Variants in MORC1 observed in about 807,000 individuals in gnomAD.
The protein encoded by MORC1 is MORC family CW-type zinc finger 1.
In MORC1, 59 loss-of-function variants were observed where a neutral mutation model predicts 134.9. That is an observed-to-expected ratio of 0.44 (90% confidence interval 0.35 to 0.54). The LOEUF (loss-of-function observed/expected upper bound fraction) is 0.54, where lower values mean the gene tolerates loss of function less well. MORC1 is among the 20% of genes least tolerant of loss of function. MORC1 has a pLI of 0.00. For missense variants in MORC1, 947 were observed against 1,134.5 expected, an observed-to-expected ratio of 0.83 and a Z score of 2.37; for synonymous variants, 395 against 391.7, an observed-to-expected ratio of 1.01 and a Z score of -0.10.
chr3:109,084,282 T>C (rs569593565), intron 8 of MORC1, among the ~76,000 whole-genome samples: 1 of 152,236 alleles, frequency 6.6e-6, no homozygotes, highest in East Asian at 1.9e-4. Flanking sequence ...AGCAAACTGT[T>C]AGAACTGATA....
chr3:109,039,737 G>A (rs754553914), intron 14 of MORC1, among the ~76,000 whole-genome samples: 18 of 152,300 alleles, frequency 1.2e-4, no homozygotes, highest in South Asian at 8.3e-4. Flanking sequence ...AAATAATGGG[G>A]ACTCCTGCTC....
intron 26 of MORC1, among the ~76,000 whole-genome samples, chr3:108,967,063 A>T (rs1196112976): frequency 2.0e-5 from 3 of 152,122 alleles, no homozygotes; most frequent in Non-Finnish European, 4.4e-5. Flanking sequence ...CCTTAAATCA[A>T]GTTGTTCTGT....
intron 8 of MORC1, among the ~76,000 whole-genome samples, chr3:109,075,964 A>G (rs755862877): frequency 2.0e-5 from 3 of 152,168 alleles, no homozygotes; most frequent in Non-Finnish European, 4.4e-5. Flanking sequence ...AATGGCGACA[A>G]AAGCCAAAAT....
Position 109,020,764 on chromosome 3 carries a change from C to CA in MORC1, c.1704+6986dup, listed in dbSNP as rs66700715. 1.9e-3 allele frequency among the ~76,000 whole-genome samples: 152 copies of CA among 78,372 alleles called. 2 individuals carry two copies. Among genetic ancestry groups the CA allele is most frequent in the East Asian group, 0.013 (57 of 4,272 alleles). The allele number at this position is 78,372 out of a possible 152,430, so 51.4% of individuals were successfully genotyped here. On this transcript the variant is annotated intron_variant, in intron 17 of 27. Coordinates refer to ENST00000232603, the MANE Select transcript of MORC1 (RefSeq NM_014429.4). The stretch of plus-strand genomic sequence containing the variant: ...TGGGCGACACAGTGAGACTCTGTCT[C>CA]AAAAAAAAAAAAGATTAGGTATGAA...
chr3:108,970,218 G>A (rs1448497610), intron 25 of MORC1, among the ~76,000 whole-genome samples: 1 of 151,994 alleles, frequency 6.6e-6, no homozygotes, highest in Non-Finnish European at 1.5e-5. Flanking sequence ...TGCCAACATT[G>A]AGAAACCGTG....
chr3:109,019,597 C>T (rs753291330), intron 17 of MORC1, among the ~76,000 whole-genome samples: 1 of 152,186 alleles, frequency 6.6e-6, no homozygotes, highest in Non-Finnish European at 1.5e-5. Flanking sequence ...AACCAGTCTG[C>T]GTTGGCTGAA....
intron 26 of MORC1, among the ~76,000 whole-genome samples, chr3:108,964,128 G>A (rs910933714): frequency 2.0e-5 from 3 of 152,114 alleles, no homozygotes; most frequent in South Asian, 2.1e-4. Flanking sequence ...CACTCTCTTC[G>A]GGTTCCTTAT....
chr3:109,001,442 C>T (rs909586342), intron 20 of MORC1, among the ~76,000 whole-genome samples: 6 of 152,212 alleles, frequency 3.9e-5, no homozygotes, highest in African/African-American at 1.4e-4. Context: ...CTTTCTACTC[C>T]AACAACAAAA....
intron 14 of MORC1, among the ~76,000 whole-genome samples, chr3:109,046,219 C>A (rs1949691703): frequency 6.6e-6 from 1 of 152,144 alleles, no homozygotes; most frequent in Non-Finnish European, 1.5e-5. Context: ...TTTTGGCTCC[C>A]AGTTGGGAAC....
chr3:108,984,592 T>A, intron 23 of MORC1, 124 bp downstream of exon 23: 2 of 653,912 alleles, frequency 3.1e-6, no homozygotes, highest in Non-Finnish European at 5.0e-6. Flanking sequence ...TTGTAAAATT[T>A]GGTTCCATTC....
intron 14 of MORC1, among the ~76,000 whole-genome samples, chr3:109,040,586 G>A: frequency 6.6e-6 from 1 of 151,578 alleles, no homozygotes; most frequent in Middle Eastern, 3.2e-3. Flanking sequence ...TCCCAGCACT[G>A]TGGGAAGCTG....
At chr3:108,985,618 T>G (rs192607004) in intron 22 of MORC1, among the ~76,000 whole-genome samples, 1 of 152,316 alleles carries the variant, frequency 6.6e-6, no homozygotes, top group Admixed American at 6.5e-5. Context: ...TTGGTTTTAC[T>G]CACTGACTTG....
intron 17 of MORC1, among the ~76,000 whole-genome samples, chr3:109,020,738 C>G (rs1236661188): frequency 5.8e-5 from 8 of 136,778 alleles, no homozygotes; most frequent in East Asian, 2.0e-4. Flanking sequence ...GCACTCCAGC[C>G]TGGGCGACAC....
At position 108,959,070 on chromosome 3, in the gene MORC1, C is replaced by G; in HGVS notation, c.2850G>C (p.Leu950Phe). ...LEQTDTYLEA[L>F]LKEDNLLFQN... ...GGAAGAGAAGATTATCTTCTTTAAGCAAAGCTTCTAAATAAGTGTCAGTCT... is the reference window on the plus strand; with the variant it reads ...GGAAGAGAAGATTATCTTCTTTAAGGAAAGCTTCTAAATAAGTGTCAGTCT... The change falls in exon 28 of 28, where the codon TTG becomes TTC. Residue 950 changes from leucine (L) to phenylalanine (F), a missense_variant. Coordinates refer to ENST00000232603, the MANE Select transcript of MORC1 (RefSeq NM_014429.4). 1 of 1,585,018 alleles carries G rather than the reference C, an allele frequency of 6.3e-7. No homozygotes were observed. Among genetic ancestry groups the G allele is most frequent in the Non-Finnish European group, 8.6e-7 (1 of 1,167,144 alleles).
rs189558047 is a variant in MORC1, at chr3:109,026,329, G to A, written c.1704+1422C>T. 3.1e-3 allele frequency among the ~76,000 whole-genome samples: 475 copies of A among 152,014 alleles called. 10 individuals carry two copies. Among genetic ancestry groups the A allele is most frequent in the Non-Finnish European group, 2.5e-3 (170 of 67,978 alleles). ...CTTTGTTTACATTTGAAACAAACTG[G>A]ATCTATAACCTTGGCTTAAATCTTA... is the stretch of plus-strand genomic sequence containing the variant. On this transcript the variant is annotated intron_variant, in intron 17 of 27. Coordinates refer to ENST00000232603, the MANE Select transcript of MORC1 (RefSeq NM_014429.4).
intron 22 of MORC1, 128 bp downstream of exon 22, chr3:108,986,752 A>G: frequency 1.5e-6 from 1 of 662,614 alleles, no homozygotes; most frequent in Non-Finnish European, 2.5e-6. Flanking sequence ...TAGAACAACA[A>G]ACTTAATTTT....
At chr3:109,109,971 T>G (rs924217346) in intron 3 of MORC1, 1 of 152,258 alleles carries the variant, frequency 6.6e-6, no homozygotes, top group Non-Finnish European at 1.5e-5. Flanking sequence ...TTCTCAAGTT[T>G]TTCAGGACCT....
chr3:109,104,363 C>G (rs924645852), intron 3 of MORC1, among the ~76,000 whole-genome samples: 3 of 152,130 alleles, frequency 2.0e-5, no homozygotes, highest in African/African-American at 7.2e-5. Flanking sequence ...AGGCTCCCTT[C>G]TAAGTAGTTA....
chr3:109,094,139 T>A (rs1381619566), intron 7 of MORC1, among the ~76,000 whole-genome samples: 1 of 152,150 alleles, frequency 6.6e-6, no homozygotes, highest in East Asian at 1.9e-4. Context: ...TGCGTTCCAA[T>A]AAATCTTTAT....
Sources: allele counts gnomAD v4.1 joint callset (sites outside exome capture counted in the v4.1 genomes callset), GRCh38; gene constraint gnomAD v4.1.1; transcripts MANE v1.5; gene names NCBI Gene and HGNC (gene_info 2026-07-23, HGNC 2026-07-21).